C3orf33: variants seen among roughly 807,000 people sequenced by gnomAD.
C3orf33 encodes AP-1 activity suppressor.
C3orf33 carries 23 observed loss-of-function variants against 28.7 expected under a neutral mutation model. The observed-to-expected ratio is 0.80, with a 90% confidence interval of 0.58 to 1.13. C3orf33 has a LOEUF of 1.13. Among genes scored for constraint, C3orf33 ranks in the 50% most tolerant of loss-of-function variants. The pLI is 0.00. For missense variants in C3orf33, 327 were observed against 353.4 expected, an observed-to-expected ratio of 0.93 and a Z score of 0.60; for synonymous variants, 119 against 120.5, an observed-to-expected ratio of 0.99 and a Z score of 0.08.
chr3:155,762,875 A>C lies in C3orf33; in HGVS notation c.*642T>G, dbSNP rs1042100258. 5.9e-5 allele frequency: 9 copies of C among 151,914 alleles called. No homozygotes were observed. Among genetic ancestry groups the C allele is most frequent in the African/African-American group, 2.2e-4 (9 of 41,324 alleles). 9.4% of individuals were successfully genotyped at this position (151,914 alleles called of 1,614,324 possible). ...CAAGAGCGAAACTCCATGTCAAAAC[A>C]AAAAAAGCCGGGCTTGGTAGCTCAC... is the stretch of plus-strand genomic sequence containing the variant. On this transcript the variant is annotated 3_prime_UTR_variant, in exon 5 of 5. Transcript: ENST00000340171.
At chr3:155,774,853 C>G (rs1419118681) in intron 3 of C3orf33, among the ~76,000 whole-genome samples, 1 of 152,000 alleles carries the variant, frequency 6.6e-6, no homozygotes, top group Non-Finnish European at 1.5e-5. Context: ...GCATCATGCT[C>G]TTTCTCACCT....
At chr3:155,796,112 G>A (rs989954038) in intron 2 of C3orf33, among the ~76,000 whole-genome samples, 1 of 151,864 alleles carries the variant, frequency 6.6e-6, no homozygotes, top group East Asian at 1.9e-4. Context: ...AAAAGCAAGA[G>A]CAAACCAAAC....
intron 3 of C3orf33, among the ~76,000 whole-genome samples, chr3:155,771,104 G>A (rs1171828457): frequency 6.6e-6 from 1 of 151,148 alleles, no homozygotes; most frequent in Admixed American, 6.6e-5. Context: ...CAGTGTGTGT[G>A]TGTGTGTATG....
chr3:155,776,344 G>GA (rs567214762), intron 2 of C3orf33, among the ~76,000 whole-genome samples: 217 of 151,790 alleles, frequency 1.4e-3, no homozygotes, highest in African/African-American at 5.1e-3. Flanking sequence ...AAAGAAAAAC[G>GA]AAAAAAAGGC....
intron 3 of C3orf33, among the ~76,000 whole-genome samples, chr3:155,775,138 C>A (rs1750702059): frequency 6.6e-6 from 1 of 152,016 alleles, no homozygotes; most frequent in Non-Finnish European, 1.5e-5. Context: ...AGGTTCTAGA[C>A]CATAATAGGT....
At chr3:155,796,372 T>C (rs1432632287) in intron 2 of C3orf33, among the ~76,000 whole-genome samples, 3 of 152,124 alleles carry the variant, frequency 2.0e-5, no homozygotes, top group Admixed American at 6.5e-5. Context: ...TATGAACAAC[T>C]ATATGCCAAT....
rs547146257 is a variant in C3orf33 at position 155,779,222 on chromosome 3, C to A, written c.175-3374G>T. 2.0e-5 allele frequency among the ~76,000 whole-genome samples: 3 copies of A among 152,316 alleles called. No homozygotes were observed. The South Asian group carries it at 6.2e-4, about 32-fold the overall frequency. ...AAGGTAACGCTTTTAGGAACAAAATCTAGAGCAAGAGAAGTGAGAGACAGA... is the reference window on the plus strand; with the variant it reads ...AAGGTAACGCTTTTAGGAACAAAATATAGAGCAAGAGAAGTGAGAGACAGA... On this transcript the variant is annotated intron_variant, in intron 2 of 4. Transcript: ENST00000340171.
chr3:155,797,596 A>G (rs752238892), intron 2 of C3orf33, among the ~76,000 whole-genome samples: 2 of 152,224 alleles, frequency 1.3e-5, no homozygotes, highest in Non-Finnish European at 2.9e-5. Context: ...CTGATAAATA[A>G]ATTCAGTACA....
intron 2 of C3orf33, among the ~76,000 whole-genome samples, chr3:155,782,717 C>T (rs1172514950): frequency 2.0e-5 from 3 of 152,134 alleles, no homozygotes; most frequent in African/African-American, 7.2e-5. Flanking sequence ...AGTTTGTTAC[C>T]ACAGACTTGC....
At chr3:155,783,891 G>A (rs1751018865) in intron 2 of C3orf33, among the ~76,000 whole-genome samples, 2 of 150,970 alleles carry the variant, frequency 1.3e-5, no homozygotes, top group Admixed American at 6.6e-5. Flanking sequence ...AAAATTATTA[G>A]TTTATGGGTT....
chr3:155,799,226 C>A (rs1262463585), intron 2 of C3orf33, among the ~76,000 whole-genome samples: 1 of 152,112 alleles, frequency 6.6e-6, no homozygotes, highest in Non-Finnish European at 1.5e-5. Flanking sequence ...CCACAAAAAA[C>A]TAAAAATAGA....
At chr3:155,767,702 T>A (rs1750456692) in intron 3 of C3orf33, 33 bp from the exon 4 acceptor site, 2 of 1,431,578 alleles carry the variant, frequency 1.4e-6, no homozygotes, top group African/African-American at 2.9e-5. Flanking sequence ...AGTTTAGCTT[T>A]AACAGCATGT....
At chr3:155,799,322 T>G (rs1361042797) in intron 2 of C3orf33, among the ~76,000 whole-genome samples, 1 of 152,174 alleles carries the variant, frequency 6.6e-6, no homozygotes, top group African/African-American at 2.4e-5. Context: ...TTTAATCCCA[T>G]GCTTATCACA....
intron 3 of C3orf33, among the ~76,000 whole-genome samples, chr3:155,774,222 G>T (rs944307952): frequency 3.9e-5 from 6 of 152,208 alleles, no homozygotes; most frequent in Admixed American, 3.9e-4. Flanking sequence ...CCCATCAGGG[G>T]CTCACAGTTC....
chr3:155,763,989 C>T, intron 4 of C3orf33, 71 bp from the exon 5 acceptor site: 2 of 1,132,386 alleles, frequency 1.8e-6, no homozygotes, highest in Middle Eastern at 2.7e-4. Flanking sequence ...TCTTATTTAC[C>T]TTAAAAATCA....
At chr3:155,803,737 C>T (rs1446305126) in intron 1 of C3orf33, among the ~76,000 whole-genome samples, 1 of 150,066 alleles carries the variant, frequency 6.7e-6, no homozygotes, top group African/African-American at 2.5e-5. Context: ...AAAAAACTAG[C>T]TGGACGTGGT....
chr3:155,802,947 A>G (rs959497642), intron 1 of C3orf33, among the ~76,000 whole-genome samples: 14 of 152,182 alleles, frequency 9.2e-5, no homozygotes, highest in African/African-American at 3.1e-4. Context: ...ATTGTTCTCT[A>G]CTGATCGTAT....
chr3:155,769,681 T>C (rs938457110), intron 3 of C3orf33, among the ~76,000 whole-genome samples: 2 of 152,146 alleles, frequency 1.3e-5, no homozygotes, highest in African/African-American at 4.8e-5. Context: ...AATCCTGTAA[T>C]GTTGCCAACA....
chr3:155,795,063 T>C (rs1384260387), intron 2 of C3orf33, among the ~76,000 whole-genome samples: 1 of 152,228 alleles, frequency 6.6e-6, no homozygotes, highest in African/African-American at 2.4e-5. Context: ...AGGATATTCA[T>C]AGAACATTTC....
Sources: gnomAD v4.1 joint callset for allele counts (sites outside exome capture counted in the v4.1 genomes callset) on GRCh38, gnomAD v4.1.1 for gene constraint, MANE v1.5 for transcripts, NCBI Gene and HGNC (gene_info 2026-07-23, HGNC 2026-07-21) for gene names.